The following SPATA3 variants were observed in gnomAD, a reference collection of about 807,000 sequenced individuals.
SPATA3 encodes spermatogenesis associated 3.
Under a neutral mutation model 5.7 loss-of-function variants are expected in SPATA3, and 6 were observed. The ratio of observed to expected loss-of-function variants is 1.06; its 90% CI spans 0.58 to 2.09. The LOEUF (loss-of-function observed/expected upper bound fraction) is 2.09. Among genes scored for constraint, SPATA3 ranks in the 30% most tolerant of loss-of-function variants. SPATA3 has a pLI of 0.00. For synonymous variants in SPATA3, 44 were observed against 48.4 expected (o/e 0.91, Z 0.37); for missense variants, 155 against 130.4 (o/e 1.19, Z -0.92).
exon 6 of SPATA3, chr2:231,014,139 C>A (rs147702044): frequency 6.6e-6 from 1 of 152,084 alleles, no homozygotes; most frequent in Admixed American, 6.5e-5. Context: ...AACTAGAGAC[C>A]CAGAACGTCT....
At chr2:230,999,171 G>A (rs56775214) in intron 1 of SPATA3, among the ~76,000 whole-genome samples, 7 of 152,116 alleles carry the variant, frequency 4.6e-5, no homozygotes, top group South Asian at 2.1e-4. Flanking sequence ...CCCACACATC[G>A]AATGATTCTA....
chr2:231,015,038 C>A (rs912830582), intron 6 of SPATA3, among the ~76,000 whole-genome samples: 38 of 151,128 alleles, frequency 2.5e-4, no homozygotes, highest in African/African-American at 8.8e-4. Flanking sequence ...GGAGTCCCAA[C>A]TGAGGAGAGA....
downstream of SPATA3, chr2:231,002,902 G>A: frequency 1.6e-6 from 1 of 628,212 alleles, no homozygotes; most frequent in Non-Finnish European, 2.5e-6. Context: ...CTCAAGGGAA[G>A]CTTGCCAGTG....
At chr2:231,019,412 C>CTTCTAAAAT (rs1553553188) in intron 6 of SPATA3, among the ~76,000 whole-genome samples, 18 of 150,336 alleles carry the variant, frequency 1.2e-4, no homozygotes, top group East Asian at 4.1e-4. Context: ...CAAGCTCCGC[C>CTTCTAAAAT]TCCCGGGTTC....
rs564657598 is a variant in SPATA3, at chr2:231,012,968, A to T, written c.*226+271A>T. On this transcript the variant is annotated intron_variant, in intron 5 of 8. Coordinates refer to the SPATA3 transcript ENST00000452881. ...AAATCCAGTTCTCTGCCTCCTGCGC[A>T]CTTGGACTTGTGCAGCTAAACTTTG... 2.0e-5 allele frequency among the ~76,000 whole-genome samples: 3 copies of T among 152,310 alleles called. No homozygotes were observed. The East Asian group carries it at 5.8e-4, about 29-fold the overall frequency.
intron 6 of SPATA3, among the ~76,000 whole-genome samples, chr2:231,018,313 T>A (rs1390758401): frequency 1.3e-5 from 2 of 152,196 alleles, no homozygotes; most frequent in Non-Finnish European, 2.9e-5. Context: ...ACATCTCTAC[T>A]CTTTCTGCAG....
chr2:231,012,370 T>C (rs1692810992), intron 4 of SPATA3, among the ~76,000 whole-genome samples: 1 of 152,186 alleles, frequency 6.6e-6, no homozygotes, highest in Non-Finnish European at 1.5e-5. Flanking sequence ...CAGAAGAAGC[T>C]CACCTTTCGA....
chr2:231,000,550 A>C lies in SPATA3; in HGVS notation c.962+13A>C. 6.7e-7 allele frequency: 1 copy of C among 1,500,016 alleles called. No homozygotes were observed. Among genetic ancestry groups the C allele is most frequent in the Non-Finnish European group, 9.0e-7 (1 of 1,116,256 alleles). 92.9% of individuals were successfully genotyped at this position (1,500,016 alleles called of 1,614,324 possible). ...TCACCTTCTACAGGTTCCAAGCGCG[A>C]GGGGCTGGAGCCTCGGGGCACACAG... On this transcript the variant is annotated intron_variant, in intron 2 of 2. Transcript: ENST00000645363.
chr2:231,019,329 CT>C (rs35230802), intron 6 of SPATA3, among the ~76,000 whole-genome samples: 1,665 of 137,910 alleles, frequency 0.012, 16 homozygotes, highest in Non-Finnish European at 0.02. Flanking sequence ...TTCAATCTCA[CT>C]TTTTTTTTTT....
rs748163365 is a variant in SPATA3, at chr2:231,000,448, A to G, written c.873A>G (p.Leu291=). 1.2e-5 allele frequency: 19 copies of G among 1,549,790 alleles called. No homozygotes were observed. The African/African-American group carries it at 2.1e-4, about 17-fold the overall frequency. Residue 291 remains leucine (L), a synonymous_variant, in exon 2 of 3, where the codon CTA becomes CTG. Coordinates refer to ENST00000645363, the Ensembl canonical transcript of SPATA3. ...CCGCTTGCTGGCGTCGTCTGGGGCTATGCCATAGCCGCATCTTCGATGTCC... is the reference window on the plus strand; with the variant it reads ...CCGCTTGCTGGCGTCGTCTGGGGCTGTGCCATAGCCGCATCTTCGATGTCC...
downstream of SPATA3, among the ~76,000 whole-genome samples, chr2:231,010,102 C>A (rs1692744029): frequency 6.6e-6 from 1 of 152,260 alleles, no homozygotes; most frequent in East Asian, 1.9e-4. Context: ...CTGGCTGTAG[C>A]TGAGCCTGCA....
downstream of SPATA3, among the ~76,000 whole-genome samples, chr2:231,005,530 C>T (rs1351188661): frequency 3.4e-5 from 1 of 29,204 alleles, no homozygotes; most frequent in Non-Finnish European, 7.4e-5. Context: ...CCACCACCAC[C>T]ATCATCACCA....
intron 5 of SPATA3, among the ~76,000 whole-genome samples, chr2:231,013,453 C>G (rs1692843535): frequency 6.6e-6 from 1 of 152,044 alleles, no homozygotes; most frequent in African/African-American, 2.4e-5. Context: ...ATCTACTCAC[C>G]TGTTAATGGA....
chr2:231,019,373 G>C (rs1693019311), intron 6 of SPATA3, among the ~76,000 whole-genome samples: 1 of 149,518 alleles, frequency 6.7e-6, no homozygotes, highest in Non-Finnish European at 1.5e-5. Flanking sequence ...GCCCAGGCTG[G>C]AGTGCAGTGG....
intron 2 of SPATA3, among the ~76,000 whole-genome samples, chr2:231,001,071 C>G (rs1392105926): frequency 6.6e-6 from 1 of 152,224 alleles, no homozygotes. Context: ...GTGCTGGGCT[C>G]TTTCTGGGGG....
chr2:231,002,282 G>A (rs1692381495), intron 2 of SPATA3, among the ~76,000 whole-genome samples: 1 of 152,188 alleles, frequency 6.6e-6, no homozygotes, highest in African/African-American at 2.4e-5. Flanking sequence ...TTGTGTGGGT[G>A]TAATATATTA....
chr2:231,000,613 A>G, intron 2 of SPATA3, 76 bp downstream of exon 2: 5 of 1,301,234 alleles, frequency 3.8e-6, no homozygotes, highest in Non-Finnish European at 5.0e-6. Flanking sequence ...CCTTATTAGC[A>G]ATCATGTATC....
chr2:231,005,587 CCTCACCAT>C (rs1692593582), downstream of SPATA3, among the ~76,000 whole-genome samples: 2 of 47,846 alleles, frequency 4.2e-5, no homozygotes, highest in Non-Finnish European at 9.5e-5. Flanking sequence ...CCATCATCAT[CCTCACCAT>C]CACCATCATC....
chr2:231,011,242 G>A (rs1390009132), downstream of SPATA3, among the ~76,000 whole-genome samples: 1 of 151,998 alleles, frequency 6.6e-6, no homozygotes, highest in Non-Finnish European at 1.5e-5. Context: ...AGCCTCCCGA[G>A]TAGCTGGGAT....
Sources: gnomAD v4.1 joint callset for allele counts (sites outside exome capture counted in the v4.1 genomes callset) on GRCh38, gnomAD v4.1.1 for gene constraint, MANE v1.5 for transcripts, NCBI Gene and HGNC (gene_info 2026-07-23, HGNC 2026-07-21) for gene names.